STUM: variants seen among roughly 807,000 people sequenced by gnomAD.
STUM encodes the protein protein stum homolog.
In STUM, 8 loss-of-function variants were observed where a neutral mutation model predicts 15.3. That is an observed-to-expected ratio of 0.52 (90% CI 0.31 to 0.94). STUM has a LOEUF of 0.94. STUM is among the 40% of genes least tolerant of loss of function. STUM has a pLI of 0.05. For missense variants in STUM, 142 were observed against 204.9 expected (o/e 0.69, Z 1.87); for synonymous variants, 78 against 88.7 (o/e 0.88, Z 0.68).
chr1:226,581,538 G>A (rs1414628707), intron 1 of STUM, among the ~76,000 whole-genome samples: 3 of 152,204 alleles, frequency 2.0e-5, no homozygotes, highest in African/African-American at 7.2e-5. Context: ...AAGAGTGTAT[G>A]AGCTTAGCTC....
intron 1 of STUM, among the ~76,000 whole-genome samples, chr1:226,574,738 A>G (rs1667776256): frequency 6.6e-6 from 1 of 152,200 alleles, no homozygotes; most frequent in South Asian, 2.1e-4. Context: ...GAGACCTCAC[A>G]TAAACAAGTG....
At position 226,548,920 on chromosome 1, in the gene STUM, A is replaced by G; in HGVS notation, c.16A>G (p.Lys6Glu). 7.0e-7 allele frequency: 1 copy of G among 1,429,796 alleles called. No homozygotes were observed. The highest frequency in any genetic ancestry group is 9.1e-7 in the Non-Finnish European group (1 of 1,098,914). The allele number at this position is 1,429,796 out of a possible 1,614,324, so 88.6% of individuals were successfully genotyped here. A position where few individuals can be genotyped will look rare whatever the true frequency, so the allele number is the denominator to read the frequency against. MEPSH[K>E]DAETAAAAAA... is the part of the protein sequence containing the mutation. ...GCGCCCGGCCATGGAGCCCTCGCACAAAGACGCCGAGACGGCGGCGGCGGC... is the reference window on the plus strand; with the variant it reads ...GCGCCCGGCCATGGAGCCCTCGCACGAAGACGCCGAGACGGCGGCGGCGGC... The change falls in exon 1 of 4, where the codon AAA (lysine) becomes GAA (glutamate). Residue 6 changes from lysine (K) to glutamate (E), a missense_variant. Around this residue, in one of 2 missense-constraint regions of STUM, gnomAD observed 113 missense variants for 134.4 expected, o/e 0.84. Transcript: ENST00000366788.
chr1:226,583,929 C>G (rs575221342), intron 1 of STUM, among the ~76,000 whole-genome samples: 1 of 152,294 alleles, frequency 6.6e-6, no homozygotes, highest in South Asian at 2.1e-4. Context: ...CTTCCCCCTC[C>G]ATTGACATGT....
intron 1 of STUM, among the ~76,000 whole-genome samples, chr1:226,585,103 G>A (rs974611164): frequency 3.3e-5 from 5 of 152,114 alleles, no homozygotes; most frequent in Admixed American, 6.5e-5. Context: ...ACCACACTGC[G>A]GCATAGGGAT....
At chr1:226,570,903 G>A (rs1017785794) in intron 1 of STUM, among the ~76,000 whole-genome samples, 1 of 152,080 alleles carries the variant, frequency 6.6e-6, no homozygotes, top group Non-Finnish European at 1.5e-5. Flanking sequence ...AAGCCCCAAT[G>A]ATATTGAAAA....
Position 226,604,668 on chromosome 1 carries a change from G to A in STUM, c.*2628G>A, listed in dbSNP as rs928548091. The A allele has an allele frequency of 2.6e-5, 4 of 152,280 alleles. No homozygotes were observed. The South Asian group carries it at 6.2e-4, about 24-fold the overall frequency. The allele number at this position is 152,280 out of a possible 1,614,324, so 9.4% of individuals were successfully genotyped here. ...GAGTTAACTTCTCAAACACCAGCCAGCTGAAAATTAGGGTTCTCGTGCAGG... is the reference window on the plus strand; with the variant it reads ...GAGTTAACTTCTCAAACACCAGCCAACTGAAAATTAGGGTTCTCGTGCAGG... On this transcript the variant is annotated 3_prime_UTR_variant, in exon 4 of 4. Transcript: ENST00000366788. This position sits in a 1 kb window ranked among gnomAD's most constrained non-coding sequence, Gnocchi z 4.7.
rs1005280754 is a variant in STUM at position 226,549,359 on chromosome 1, A to C, written c.202+253A>C. ...CCAAAGAGCCGGAAACTTTGCGGCC[A>C]ATGTTGGAGCCCGCAGCGGCGGCCG... On this transcript the variant is annotated intron_variant, in intron 1 of 3. Coordinates refer to ENST00000366788, the MANE Select transcript of STUM (RefSeq NM_001003665.4). The surrounding 1 kb of genome is among the most constrained non-coding windows in gnomAD (Gnocchi z 6.8). Among the ~76,000 whole-genome samples the C allele has an allele frequency of 2.0e-5, 3 of 152,082 alleles. No homozygotes were observed. Among genetic ancestry groups the C allele is most frequent in the Non-Finnish European group, 4.4e-5 (3 of 67,986 alleles).
intron 1 of STUM, among the ~76,000 whole-genome samples, chr1:226,557,847 ATG>A (rs1194694777): frequency 2.0e-5 from 3 of 152,350 alleles, no homozygotes; most frequent in African/African-American, 7.2e-5. Context: ...AAATCAATAA[ATG>A]TGATACATCA....
chr1:226,585,409 C>T (rs1667981240), intron 1 of STUM, among the ~76,000 whole-genome samples: 1 of 152,176 alleles, frequency 6.6e-6, no homozygotes, highest in African/African-American at 2.4e-5. Flanking sequence ...GTTCTAAGTA[C>T]TTTACCTGCA....
In STUM at chr1:226,606,896, C is replaced by A. The variant is rs1024590650; in HGVS notation, c.*4856C>A. 4.6e-5 allele frequency: 7 copies of A among 152,292 alleles called. No individual in the cohort carries two copies. The highest frequency in any genetic ancestry group is 1.4e-4 in the African/African-American group (6 of 41,460). 9.4% of individuals were successfully genotyped at this position (152,292 alleles called of 1,614,324 possible). ...TGCATTAACTCATCAGCAAGCTCAT[C>A]GAGAGCTAACGTGGGCCCAGCAGTC... On this transcript the variant is annotated 3_prime_UTR_variant, in exon 4 of 4. Coordinates refer to ENST00000366788, the MANE Select transcript of STUM (RefSeq NM_001003665.4).
At chr1:226,564,695 C>A (rs77714089) in intron 1 of STUM, among the ~76,000 whole-genome samples, 2,649 of 152,312 alleles carry the variant, frequency 0.017, 79 homozygotes, top group African/African-American at 0.059. Flanking sequence ...CACTGCAGGG[C>A]ACCCAGTAGA....
At chr1:226,563,819 T>C (rs1667578681) in intron 1 of STUM, among the ~76,000 whole-genome samples, 1 of 152,210 alleles carries the variant, frequency 6.6e-6, no homozygotes, top group South Asian at 2.1e-4. Flanking sequence ...TGAGAGGTCA[T>C]GTGGGTTGAA....
chr1:226,595,255 A>G (rs989549746), intron 1 of STUM, among the ~76,000 whole-genome samples: 2 of 152,204 alleles, frequency 1.3e-5, no homozygotes, highest in Non-Finnish European at 2.9e-5. Context: ...GAAGGAGGAA[A>G]GGAAGCAAAG....
chr1:226,589,591 T>C (rs1668052439), intron 1 of STUM, among the ~76,000 whole-genome samples: 2 of 152,232 alleles, frequency 1.3e-5, no homozygotes, highest in African/African-American at 2.4e-5. Flanking sequence ...CCCAGGATCA[T>C]GGTAGGACGT....
rs1036122465 is a variant in STUM at position 226,565,244 on chromosome 1, G to A, written c.202+16138G>A. Among the ~76,000 whole-genome samples the A allele has an allele frequency of 6.6e-6, 1 of 152,164 alleles. No homozygotes were observed. The highest frequency in any genetic ancestry group is 1.5e-5 in the Non-Finnish European group (1 of 68,032). ...CTCCCTGCCCCTCAGGCCCAAGGGTGGGAGTGGCCTCCTGCTGTTGCTGGG... is the reference window on the plus strand; with the variant it reads ...CTCCCTGCCCCTCAGGCCCAAGGGTAGGAGTGGCCTCCTGCTGTTGCTGGG... On this transcript the variant is annotated intron_variant, in intron 1 of 3. Transcript: ENST00000366788. The surrounding 1 kb of genome is among the most constrained non-coding windows in gnomAD (Gnocchi z 4.4).
intron 1 of STUM, among the ~76,000 whole-genome samples, chr1:226,557,393 T>G (rs1309184598): frequency 6.6e-6 from 1 of 152,254 alleles, no homozygotes; most frequent in Non-Finnish European, 1.5e-5. Flanking sequence ...TGATGGACAC[T>G]TAGGTTGATT....
At position 226,602,436 on chromosome 1, in the gene STUM, G is replaced by A; in HGVS notation, c.*396G>A. ...CTGGGTGAGCAGGGGCTCACCAAGGGGACAGGACTGTGGTAGACCCGTCCT... is the reference window on the plus strand; with the variant it reads ...CTGGGTGAGCAGGGGCTCACCAAGGAGACAGGACTGTGGTAGACCCGTCCT... On this transcript the variant is annotated 3_prime_UTR_variant, in exon 4 of 4. Coordinates refer to ENST00000366788, the MANE Select transcript of STUM (RefSeq NM_001003665.4). 4.2e-6 allele frequency: 1 copy of A among 237,056 alleles called. No individual in the cohort carries two copies. Among genetic ancestry groups the A allele is most frequent in the Non-Finnish European group, 8.4e-6 (1 of 119,094 alleles). The allele number at this position is 237,056 out of a possible 1,614,324, so 14.7% of individuals were successfully genotyped here.
chr1:226,568,485 A>T (rs1210919809), intron 1 of STUM, among the ~76,000 whole-genome samples: 1 of 152,226 alleles, frequency 6.6e-6, no homozygotes, highest in Non-Finnish European at 1.5e-5. Flanking sequence ...GGGAATTGGA[A>T]CCAGAACGCT....
At chr1:226,591,798 G>T (rs1329084408) in intron 1 of STUM, among the ~76,000 whole-genome samples, 1 of 152,086 alleles carries the variant, frequency 6.6e-6, no homozygotes, top group Admixed American at 6.6e-5. Context: ...CTATGGTTCA[G>T]CCTAATAAAA....
Sources: gnomAD v4.1 joint callset for allele counts (sites outside exome capture counted in the v4.1 genomes callset) on GRCh38, gnomAD v4.1.1 for gene constraint, gnomAD v4.1.1 regional missense constraint, Gnocchi (gnomAD v3.1) non-coding constraint, MANE v1.5 for transcripts, NCBI Gene and HGNC (gene_info 2026-07-23, HGNC 2026-07-21) for gene names.